The following GBP7 variants were observed in gnomAD, a reference collection of about 807,000 sequenced individuals.
GBP7 encodes the protein guanylate binding protein 7.
GBP7 carries 43 observed loss-of-function variants against 61.3 expected under a neutral mutation model. The observed-to-expected ratio is 0.70, with a 90% CI of 0.55 to 0.91. The LOEUF (loss-of-function observed/expected upper bound fraction) is 0.91. Among genes scored for constraint, GBP7 ranks in the 40% least tolerant of loss-of-function variants. The pLI is 0.00. For missense variants in GBP7, 717 were observed against 740.5 expected, an observed-to-expected ratio of 0.97 and a Z score of 0.37; for synonymous variants, 267 against 271.0, an observed-to-expected ratio of 0.99 and a Z score of 0.14.
intron 8 of GBP7, 95 bp downstream of exon 8, chr1:89,147,472 G>A (rs999286251): frequency 3.7e-5 from 34 of 928,588 alleles, no homozygotes; most frequent in Non-Finnish European, 5.4e-5. Context: ...AATTTTTGTC[G>A]ATAAATGGTG....
In GBP7 at chr1:89,133,408, C is replaced by A. The variant is rs1681723605; in HGVS notation, c.1512G>T (p.Leu504=). The stretch of plus-strand genomic sequence containing the variant: ...GCTGTTCCTTCTGTTTTTGTCTTAG[C>A]AGCTCCTGTTCCTTTTCAGCTGCCT... ...KKEAAEKEQE[L]LRQKQKEQQQ... Residue 504 remains leucine, a synonymous_variant, in exon 10 of 11, where the codon CTG becomes CTT. Coordinates refer to ENST00000294671, the MANE Select transcript of GBP7 (RefSeq NM_207398.3). 6.2e-7 allele frequency: 1 copy of A among 1,613,984 alleles called. No individual in the cohort carries two copies. Among genetic ancestry groups the A allele is most frequent in the African/African-American group, 1.3e-5 (1 of 74,894 alleles).
intron 9 of GBP7, among the ~76,000 whole-genome samples, chr1:89,137,765 A>G (rs1402542864): frequency 6.6e-6 from 1 of 152,010 alleles, no homozygotes; most frequent in Non-Finnish European, 1.5e-5. Flanking sequence ...CACTCTCAAC[A>G]ACTCTTATTC....
intron 8 of GBP7, 136 bp downstream of exon 8, chr1:89,147,431 G>A (rs1476521937): frequency 1.5e-6 from 1 of 686,776 alleles, no homozygotes; most frequent in East Asian, 2.5e-5. Flanking sequence ...TGGATTTTAA[G>A]ATTTAAAATA....
At chr1:89,157,963 T>G (rs1417231415) in intron 3 of GBP7, among the ~76,000 whole-genome samples, 1 of 152,142 alleles carries the variant, frequency 6.6e-6, no homozygotes, top group Admixed American at 6.5e-5. Context: ...AAATCCTCAA[T>G]AAGATACTGG....
chr1:89,162,563 G>C (rs1367294922), intron 3 of GBP7, among the ~76,000 whole-genome samples: 1 of 152,184 alleles, frequency 6.6e-6, no homozygotes, highest in Non-Finnish European at 1.5e-5. Flanking sequence ...CTTTCAGCTT[G>C]ACTGTGGTTG....
chr1:89,146,539 A>T (rs28380028), intron 8 of GBP7, among the ~76,000 whole-genome samples: 3 of 152,210 alleles, frequency 2.0e-5, no homozygotes, highest in Admixed American at 6.5e-5. Context: ...ATAAGTGCTT[A>T]ATATCCAAAA....
At chr1:89,160,874 C>A (rs911659768) in intron 3 of GBP7, among the ~76,000 whole-genome samples, 8 of 151,748 alleles carry the variant, frequency 5.3e-5, no homozygotes, top group Admixed American at 3.9e-4. Context: ...TATATTATTT[C>A]ATCTCCCAGG....
chr1:89,158,766 G>A (rs1351653778), intron 3 of GBP7, among the ~76,000 whole-genome samples: 27 of 152,080 alleles, frequency 1.8e-4, no homozygotes, highest in Admixed American at 6.6e-5. Context: ...AATCAATATC[G>A]TGAAAATGGC....
chr1:89,147,867 T>C (rs1682105253), intron 7 of GBP7, 88 bp from the exon 8 acceptor site: 2 of 1,367,266 alleles, frequency 1.5e-6, no homozygotes, highest in South Asian at 1.2e-5. Flanking sequence ...AGTAGTCTCA[T>C]GGCCTCAGAG....
chr1:89,164,809 C>T lies in GBP7; in HGVS notation c.240G>A (p.Met80Ile), dbSNP rs1353133814. The change falls in exon 3 of 11, where the codon ATG becomes ATA. Residue 80 changes from methionine to isoleucine, a missense_variant. Around this residue, in one of 3 missense-constraint regions of GBP7, gnomAD observed 387 missense variants for 385.2 expected, o/e 1.00. Coordinates refer to ENST00000294671, the MANE Select transcript of GBP7 (RefSeq NM_207398.3). The stretch of plus-strand genomic sequence containing the variant: ...GCTTGGAGGGGTGGGGCACACACCA[C>T]ATCCAGATGCCTTTGGTTTCAGACT... Reference protein sequence around the residue: ...TVKSETKGIWMWCVPHPSKPN... With the variant: ...TVKSETKGIWIWCVPHPSKPN... 14 of 1,613,832 alleles carry T rather than the reference C, an allele frequency of 8.7e-6. No individual in the cohort carries two copies. The highest frequency in any genetic ancestry group is 3.3e-5 in the Admixed American group (2 of 59,994).
chr1:89,150,589 G>A lies in GBP7; in HGVS notation c.626-14C>T. 1 of 1,610,622 alleles carries A rather than the reference G, an allele frequency of 6.2e-7. No individual in the cohort carries two copies. The highest frequency in any genetic ancestry group is 1.7e-5 in the Admixed American group (1 of 59,236). On this transcript the variant is annotated splice_polypyrimidine_tract_variant and intron_variant, in intron 5 of 10. Transcript: ENST00000294671. ...GGGGATTCTTGCCTGCAGAATTAGT[G>A]AAAAAGTGACTACTGAAGAACAGGT...
rs146166134 is a variant in GBP7 at position 89,154,033 on chromosome 1, A to C, written c.319-1256T>G. ...AGGTATGTGGAGAAGACAAGGCTGG[A>C]AATAATATTCAGGGCAAGACATGAA... On this transcript the variant is annotated intron_variant, in intron 3 of 10. Transcript: ENST00000294671. Among the ~76,000 whole-genome samples the C allele has an allele frequency of 5.6e-3, 847 of 152,324 alleles. 5 individuals carry two copies. Among genetic ancestry groups the C allele is most frequent in the Non-Finnish European group, 7.5e-3 (511 of 68,026 alleles).
intron 7 of GBP7, among the ~76,000 whole-genome samples, chr1:89,148,616 C>A (rs1682119992): frequency 6.6e-6 from 1 of 152,156 alleles, no homozygotes; most frequent in Admixed American, 6.6e-5. Flanking sequence ...AAATTAGAAA[C>A]AAGAGAAACA....
At chr1:89,164,242 G>A (rs1230409380) in intron 3 of GBP7, among the ~76,000 whole-genome samples, 1 of 152,126 alleles carries the variant, frequency 6.6e-6, no homozygotes, top group East Asian at 1.9e-4. Context: ...CTACCTTCAA[G>A]CCTACAAACC....
chr1:89,137,372 A>G (rs1481341770), intron 9 of GBP7, among the ~76,000 whole-genome samples: 2 of 152,224 alleles, frequency 1.3e-5, no homozygotes, highest in Admixed American at 6.5e-5. Context: ...ATGCAGGACA[A>G]TATTCCTGAT....
At chr1:89,138,281 T>G (rs898719139) in intron 9 of GBP7, among the ~76,000 whole-genome samples, 2 of 152,070 alleles carry the variant, frequency 1.3e-5, no homozygotes, top group Non-Finnish European at 2.9e-5. Context: ...ATCGATGACT[T>G]TTTAAAAATA....
intron 3 of GBP7, among the ~76,000 whole-genome samples, chr1:89,154,825 C>G (rs1161132807): frequency 7.0e-6 from 1 of 142,032 alleles, no homozygotes; most frequent in East Asian, 2.1e-4. Flanking sequence ...AGAAAACATT[C>G]CTGTCTGACA....
intron 3 of GBP7, among the ~76,000 whole-genome samples, chr1:89,153,604 G>A (rs138435864): frequency 7.2e-4 from 110 of 152,318 alleles, no homozygotes; most frequent in African/African-American, 2.6e-3. Flanking sequence ...CTTTGATTTT[G>A]TGGATGCAAA....
intron 3 of GBP7, among the ~76,000 whole-genome samples, chr1:89,160,559 A>G (rs1021877713): frequency 1.3e-5 from 2 of 152,090 alleles, no homozygotes; most frequent in African/African-American, 4.8e-5. Context: ...AGGGATAATA[A>G]TAGTACATAT....
Sources: gnomAD v4.1 joint callset for allele counts (sites outside exome capture counted in the v4.1 genomes callset) on GRCh38, gnomAD v4.1.1 for gene constraint, gnomAD v4.1.1 regional missense constraint, MANE v1.5 for transcripts, NCBI Gene and HGNC (gene_info 2026-07-23, HGNC 2026-07-21) for gene names.